Variants in ADTRP observed in about 807,000 individuals in gnomAD.
ADTRP encodes the protein androgen dependent TFPI regulating protein, also known as androgen-dependent TFPI-regulating protein.
A neutral mutation model predicts 27.0 loss-of-function variants in ADTRP; 20 were observed. That is an observed-to-expected ratio of 0.74 (90% CI 0.52 to 1.08). The LOEUF is 1.08. Among genes scored for constraint, ADTRP ranks in the 50% least tolerant of loss-of-function variants. The pLI is 0.00. For synonymous variants in ADTRP, 101 were observed against 105.2 expected (o/e 0.96, Z 0.25); for missense variants, 251 against 275.0 (o/e 0.91, Z 0.62).
In ADTRP at chr6:11,768,399, CA is replaced by C; in HGVS notation, c.154-17del. 6.2e-7 allele frequency: 1 copy of C among 1,613,270 alleles called. No individual in the cohort carries two copies. Among genetic ancestry groups the C allele is most frequent in the Non-Finnish European group, 8.5e-7 (1 of 1,179,712 alleles). ...TCTGCAAGAGCTAAATCCATTACAA[CA>C]AATGAGGGCATTTTCATTTACTTTA... is the stretch of plus-strand genomic sequence containing the variant. On this transcript the variant is annotated splice_polypyrimidine_tract_variant and intron_variant, in intron 1 of 5. Coordinates refer to ENST00000414691, the MANE Select transcript of ADTRP (RefSeq NM_032744.4).
chr6:11,773,670 G>A (rs920930373), intron 1 of ADTRP, among the ~76,000 whole-genome samples: 3 of 152,186 alleles, frequency 2.0e-5, no homozygotes, highest in African/African-American at 4.8e-5. Context: ...GTACCTCAGC[G>A]CTGGGGAGGT....
intron 4 of ADTRP, among the ~76,000 whole-genome samples, chr6:11,735,120 T>G (rs558766296): frequency 4.3e-4 from 66 of 152,330 alleles, no homozygotes; most frequent in Non-Finnish European, 8.4e-4. Context: ...CAGCTGCTGA[T>G]GCAAATAAGC....
intron 5 of ADTRP, among the ~76,000 whole-genome samples, chr6:11,716,719 CTTT>C (rs1554110530): frequency 8.0e-6 from 1 of 125,406 alleles, no homozygotes. Flanking sequence ...TTTTCTTTTT[CTTT>C]TTTTTTTTTT....
chr6:11,724,599 G>A (rs1762128006), intron 4 of ADTRP, among the ~76,000 whole-genome samples: 1 of 152,176 alleles, frequency 6.6e-6, no homozygotes, highest in Admixed American at 6.5e-5. Flanking sequence ...AAAATTAAAT[G>A]TGGGGAAGCT....
At chr6:11,726,531 G>A (rs895589366) in intron 4 of ADTRP, among the ~76,000 whole-genome samples, 11 of 152,164 alleles carry the variant, frequency 7.2e-5, no homozygotes, top group Non-Finnish European at 1.6e-4. Context: ...ACATTGTGAG[G>A]CAGCAGTAAG....
intron 5 of ADTRP, among the ~76,000 whole-genome samples, chr6:11,720,535 G>A (rs920161071): frequency 3.3e-5 from 5 of 151,478 alleles, no homozygotes; most frequent in South Asian, 4.2e-4. Flanking sequence ...GCAGTGGCGC[G>A]ATCTCGGCTC....
chr6:11,773,618 T>G lies in ADTRP; in HGVS notation c.153+4989A>C, dbSNP rs4713893. On this transcript the variant is annotated intron_variant, in intron 1 of 5. Transcript: ENST00000414691. ...GCAATTCTGGGAGGGGATCTCAGCT[T>G]TGCACCATCAGCAGCCAACACTCCT... 4.8e-3 allele frequency among the ~76,000 whole-genome samples: 735 copies of G among 152,288 alleles called. 12 individuals carry two copies. The East Asian group carries it at 0.049, about 10-fold the overall frequency.
At chr6:11,737,204 A>C (rs1762580491) in intron 3 of ADTRP, among the ~76,000 whole-genome samples, 1 of 152,006 alleles carries the variant, frequency 6.6e-6, no homozygotes, top group African/African-American at 2.4e-5. Flanking sequence ...GGAAACATCT[A>C]GTAGTGCTAG....
At chr6:11,775,473 T>C (rs1763923419) in intron 1 of ADTRP, among the ~76,000 whole-genome samples, 1 of 151,870 alleles carries the variant, frequency 6.6e-6, no homozygotes, top group Non-Finnish European at 1.5e-5. Context: ...GGGACTGAGG[T>C]ACCATCCCAG....
chr6:11,723,304 G>C (rs1217783802), intron 5 of ADTRP, 45 bp downstream of exon 5: 1 of 1,602,228 alleles, frequency 6.2e-7, no homozygotes, highest in East Asian at 2.2e-5. Flanking sequence ...GGGAGAGGCA[G>C]ACACGGAAGA....
At chr6:11,746,107 T>C (rs1040458730) in intron 3 of ADTRP, among the ~76,000 whole-genome samples, 3 of 152,150 alleles carry the variant, frequency 2.0e-5, no homozygotes, top group African/African-American at 7.2e-5. Context: ...TTTTTTTTCT[T>C]GCTAAGAATC....
intron 5 of ADTRP, among the ~76,000 whole-genome samples, chr6:11,716,749 CTG>C (rs1761844102): frequency 7.3e-6 from 1 of 136,720 alleles, no homozygotes; most frequent in Non-Finnish European, 1.6e-5. Flanking sequence ...GGGTCTTCCT[CTG>C]TCACCCAGGC....
At chr6:11,769,893 G>C in intron 1 of ADTRP, 1 of 897,694 alleles carries the variant, frequency 1.1e-6, no homozygotes, top group Non-Finnish European at 1.7e-6. Flanking sequence ...ACTACTCAAA[G>C]CTATAAAGCG....
chr6:11,719,092 C>T (rs962783128), intron 5 of ADTRP, among the ~76,000 whole-genome samples: 1 of 152,198 alleles, frequency 6.6e-6, no homozygotes, highest in Non-Finnish European at 1.5e-5. Flanking sequence ...CCACCAACAC[C>T]CTTCTCAGTC....
chr6:11,729,798 AACTG>A (rs1762327666), intron 4 of ADTRP, among the ~76,000 whole-genome samples: 2 of 152,236 alleles, frequency 1.3e-5, no homozygotes, highest in Non-Finnish European at 2.9e-5. Flanking sequence ...TGGGATATTA[AACTG>A]ACTGTTTTAC....
chr6:11,727,914 GAA>G (rs1762263526), intron 4 of ADTRP, among the ~76,000 whole-genome samples: 1 of 37,452 alleles, frequency 2.7e-5, no homozygotes, highest in African/African-American at 4.9e-5. Flanking sequence ...GGGGAAAGAA[GAA>G]GGAAGGAAGG....
intron 4 of ADTRP, among the ~76,000 whole-genome samples, chr6:11,729,307 T>C (rs1409980457): frequency 6.6e-6 from 1 of 152,112 alleles, no homozygotes; most frequent in Non-Finnish European, 1.5e-5. Context: ...GATGTTGAGG[T>C]GTCGGCAGTG....
chr6:11,758,589 G>A (rs1190889532), intron 3 of ADTRP, among the ~76,000 whole-genome samples: 3 of 135,478 alleles, frequency 2.2e-5, no homozygotes, highest in Admixed American at 7.3e-5. Flanking sequence ...GGGGGGGGAC[G>A]GATAGCATTA....
In ADTRP at chr6:11,713,529, C is replaced by G. The variant is rs968487485; in HGVS notation, c.*949G>C. ...GAAAATAACACTAGGAAAATCACAG[C>G]AGGGATCATGAATCCTTGTTAAGCA... On this transcript the variant is annotated 3_prime_UTR_variant, in exon 6 of 6. Transcript: ENST00000414691. The G allele has an allele frequency of 6.6e-6, 1 of 152,210 alleles. No homozygotes were observed. Among genetic ancestry groups the G allele is most frequent in the South Asian group, 2.1e-4 (1 of 4,832 alleles). The allele number at this position is 152,210 out of a possible 1,614,324, so 9.4% of individuals were successfully genotyped here. A position where few individuals can be genotyped will look rare whatever the true frequency, so the allele number is the denominator to read the frequency against.
Sources: gnomAD v4.1 joint callset for allele counts (sites outside exome capture counted in the v4.1 genomes callset) on GRCh38, gnomAD v4.1.1 for gene constraint, MANE v1.5 for transcripts, NCBI Gene and HGNC (gene_info 2026-07-23, HGNC 2026-07-21) for gene names.